Variants in NCOR1 observed in about 807,000 individuals in gnomAD.
NCOR1 encodes nuclear receptor corepressor 1.
In NCOR1, 63 loss-of-function variants were observed where a neutral mutation model predicts 288.1. That is an observed-to-expected ratio of 0.22 (90% CI 0.18 to 0.27). The LOEUF is 0.27. Among genes scored for constraint, NCOR1 ranks in the 10% least tolerant of loss-of-function variants. The probability of loss-of-function intolerance (pLI) is 1.00; values close to 1 mark genes in which losing one functional copy is unlikely to be tolerated. For missense variants in NCOR1, 2,397 were observed against 3,019.2 expected (o/e 0.79, Z 4.83); for synonymous variants, 1,007 against 1,065.9 (o/e 0.94, Z 1.08).
intron 19 of NCOR1, among the ~76,000 whole-genome samples, chr17:16,106,296 T>C (rs2068609137): frequency 6.6e-6 from 1 of 152,198 alleles, no homozygotes; most frequent in African/African-American, 2.4e-5. Flanking sequence ...TGTTAGTGGT[T>C]ATACAGCAGA....
At chr17:16,214,469 T>C (rs901665740) in intron 1 of NCOR1, among the ~76,000 whole-genome samples, 17 of 152,144 alleles carry the variant, frequency 1.1e-4, no homozygotes, top group African/African-American at 3.9e-4. Context: ...ATAATTAGGA[T>C]ATAATTAGAG....
At chr17:16,164,133 C>T (rs940946145) in intron 5 of NCOR1, among the ~76,000 whole-genome samples, 2 of 151,674 alleles carry the variant, frequency 1.3e-5, no homozygotes, top group East Asian at 1.9e-4. Context: ...CCCAGCTACT[C>T]GGGAGGCTGT....
intron 1 of NCOR1, among the ~76,000 whole-genome samples, chr17:16,211,867 T>G (rs574065703): frequency 6.9e-4 from 105 of 152,330 alleles, no homozygotes; most frequent in Admixed American, 2.0e-3. Context: ...AAGCTTTTCA[T>G]AGTTTTCCAG....
Position 16,030,110 on chromosome 17 carries a change from ATATGTAT to A in NCOR1, c.*2179_*2185del, listed in dbSNP as rs925891298. 3.7e-4 allele frequency: 67 copies of A among 181,666 alleles called. No homozygotes were observed. Among genetic ancestry groups the A allele is most frequent in the African/African-American group, 1.5e-3 (62 of 42,584 alleles). 11.3% of individuals were successfully genotyped at this position (181,666 alleles called of 1,614,324 possible). A position where few individuals can be genotyped will look rare whatever the true frequency, so the allele number is the denominator to read the frequency against. On this transcript the variant is annotated 3_prime_UTR_variant, in exon 46 of 46. Coordinates refer to ENST00000268712, the MANE Select transcript of NCOR1 (RefSeq NM_006311.4). ...CATAGTCGATTGACACATATTTTGT[ATATGTAT>A]TATATACTGTATTCTTACAATAAAG...
intron 26 of NCOR1, among the ~76,000 whole-genome samples, chr17:16,076,671 T>C (rs1417506974): frequency 6.6e-6 from 1 of 152,146 alleles, no homozygotes; most frequent in Non-Finnish European, 1.5e-5. Flanking sequence ...AAACCATTTC[T>C]CAACTGGATC....
chr17:16,113,762 G>A (rs551661661), intron 18 of NCOR1, among the ~76,000 whole-genome samples: 11 of 152,098 alleles, frequency 7.2e-5, no homozygotes, highest in Admixed American at 5.2e-4. Context: ...GCATAGCGGC[G>A]TGCGCCTGTA....
chr17:16,187,900 T>TAAA (rs75372492), intron 2 of NCOR1, among the ~76,000 whole-genome samples: 5 of 123,132 alleles, frequency 4.1e-5, no homozygotes, highest in African/African-American at 6.0e-5. Flanking sequence ...ACACCATCTT[T>TAAA]AAAAAAAAAA....
Position 16,146,499 on chromosome 17 carries a change from T to C in NCOR1, c.959A>G (p.Lys320Arg). The C allele has an allele frequency of 6.2e-7, 1 of 1,613,624 alleles. No homozygotes were observed. Among genetic ancestry groups the C allele is most frequent in the Non-Finnish European group, 8.5e-7 (1 of 1,179,840 alleles). The change falls in exon 10 of 46, where the codon AAA (lysine) becomes AGA (arginine). Residue 320 changes from lysine (K) to arginine (R), a missense_variant. This residue lies in a region of NCOR1 where 51 missense variants were observed against 127.6 expected (regional missense o/e 0.40). Transcript: ENST00000268712. ...ATTATTTTCTATTCTGTCCACTTTT[T>C]TCTCCCATGCCTCCATGAGCTGATC... Reference protein sequence around the residue: ...RYDQLMEAWEKKVDRIENNPR... With the variant: ...RYDQLMEAWERKVDRIENNPR...
intron 40 of NCOR1, among the ~76,000 whole-genome samples, chr17:16,051,741 G>A (rs1035929645): frequency 9.2e-5 from 14 of 151,976 alleles, no homozygotes; most frequent in South Asian, 6.3e-4. Flanking sequence ...GAGAAACCCC[G>A]TCTCTACTAA....
At chr17:16,087,399 A>G in intron 22 of NCOR1, 1 of 1,203,796 alleles carries the variant, frequency 8.3e-7, no homozygotes, top group African/African-American at 1.6e-5. Context: ...TAAAATAGTA[A>G]GTGTGAAAGG....
intron 2 of NCOR1, among the ~76,000 whole-genome samples, chr17:16,190,328 C>T (rs1380335734): frequency 6.6e-6 from 1 of 152,068 alleles, no homozygotes; most frequent in African/African-American, 2.4e-5. Context: ...ACCACAGACG[C>T]TCTCTGAAAG....
At chr17:16,131,628 T>G (rs978363850) in intron 14 of NCOR1, among the ~76,000 whole-genome samples, 4 of 152,226 alleles carry the variant, frequency 2.6e-5, no homozygotes, top group African/African-American at 9.6e-5. Flanking sequence ...GTTTCACTAC[T>G]GGACAATATT....
rs35337380 is a variant in NCOR1, at chr17:16,098,996, A to AT, written c.2691-501dup. 9.1e-4 allele frequency among the ~76,000 whole-genome samples: 138 copies of AT among 152,308 alleles called. 3 individuals are homozygous for AT. The highest frequency in any genetic ancestry group is 3.2e-3 in the African/African-American group (133 of 41,574). ...GGATGTTTTATTGGGATCACAGAGT[A>AT]TTTTTTTAAATATTTGAATAAGCTG... On this transcript the variant is annotated intron_variant, in intron 20 of 45. Transcript: ENST00000268712.
intron 18 of NCOR1, among the ~76,000 whole-genome samples, chr17:16,111,342 C>T (rs564150516): frequency 1.3e-5 from 2 of 152,334 alleles, no homozygotes; most frequent in East Asian, 3.9e-4. Context: ...TGGCTCAGAC[C>T]TGTAATCCCA....
chr17:16,127,796 G>A (rs1384053540), intron 14 of NCOR1, among the ~76,000 whole-genome samples: 1 of 151,174 alleles, frequency 6.6e-6, no homozygotes, highest in Non-Finnish European at 1.5e-5. Flanking sequence ...ACTATCTGTG[G>A]TTTCAAGCAT....
Position 16,032,243 on chromosome 17 carries a change from C to A in NCOR1, c.*53G>T. ...TTTGACCTGCTACTAAAAATTAAACCACAAAAACTAGAGATCCCTCTCCTG... is the reference window on the plus strand; with the variant it reads ...TTTGACCTGCTACTAAAAATTAAACAACAAAAACTAGAGATCCCTCTCCTG... On this transcript the variant is annotated 3_prime_UTR_variant, in exon 46 of 46. Transcript: ENST00000268712. 5 of 1,488,876 alleles carry A rather than the reference C, an allele frequency of 3.4e-6. No homozygotes were observed. Among genetic ancestry groups the A allele is most frequent in the Non-Finnish European group, 4.4e-6 (5 of 1,126,218 alleles). 92.2% of individuals were successfully genotyped at this position (1,488,876 alleles called of 1,614,324 possible).
intron 14 of NCOR1, among the ~76,000 whole-genome samples, chr17:16,132,240 G>A (rs1014082531): frequency 2.0e-5 from 3 of 152,194 alleles, no homozygotes; most frequent in Non-Finnish European, 4.4e-5. Context: ...ATTTGGAAAT[G>A]AAGAATATGG....
chr17:16,106,812 T>TGATTGA (rs1470843354), intron 19 of NCOR1, among the ~76,000 whole-genome samples: 1 of 143,818 alleles, frequency 7.0e-6, no homozygotes, highest in Non-Finnish European at 1.5e-5. Flanking sequence ...CTCTTCTAGA[T>TGATTGA]GATTGAGCAG....
At chr17:16,040,051 A>G (rs577891261) in intron 43 of NCOR1, 7 of 412,268 alleles carry the variant, frequency 1.7e-5, no homozygotes, top group South Asian at 1.1e-4. Context: ...TGGCCTCCCA[A>G]AGTGCTGGGA....
Sources: allele counts gnomAD v4.1 joint callset (sites outside exome capture counted in the v4.1 genomes callset), GRCh38; gene constraint gnomAD v4.1.1; regional missense constraint gnomAD v4.1.1; transcripts MANE v1.5; gene names NCBI Gene and HGNC (gene_info 2026-07-23, HGNC 2026-07-21).